The following ELMOD1 variants were observed in gnomAD, a reference collection of about 807,000 sequenced individuals.
ELMOD1 encodes ELMO domain-containing protein 1.
Under a neutral mutation model 46.7 loss-of-function variants are expected in ELMOD1, and 21 were observed. The ratio of observed to expected loss-of-function variants is 0.45; its 90% CI spans 0.32 to 0.65. ELMOD1 has a LOEUF of 0.65. Among genes scored for constraint, ELMOD1 ranks in the 30% least tolerant of loss-of-function variants. ELMOD1 has a pLI of 0.04. For synonymous variants in ELMOD1, 122 were observed against 138.2 expected, an observed-to-expected ratio of 0.88 and a Z score of 0.82; for missense variants, 348 against 407.8, an observed-to-expected ratio of 0.85 and a Z score of 1.26.
At chr11:107,654,310 C>T in intron 10 of ELMOD1, 88 bp downstream of exon 10, 2 of 1,119,824 alleles carry the variant, frequency 1.8e-6, no homozygotes, top group East Asian at 2.6e-5. Flanking sequence ...AAGGGTGAAA[C>T]TCTACTTGTC....
intron 1 of ELMOD1, among the ~76,000 whole-genome samples, chr11:107,606,047 T>G (rs1004326466): frequency 1.3e-5 from 2 of 152,244 alleles, no homozygotes; most frequent in African/African-American, 4.8e-5. Flanking sequence ...TTTTCTTTCC[T>G]TCTCTTTCTT....
chr11:107,625,330 A>G, intron 2 of ELMOD1: 8 of 904,532 alleles, frequency 8.8e-6, no homozygotes, highest in Non-Finnish European at 1.1e-5. Flanking sequence ...TGTGGTTTGA[A>G]CCAAGAACTG....
chr11:107,630,348 C>A, intron 2 of ELMOD1, 69 bp from the exon 3 acceptor site: 1 of 1,408,770 alleles, frequency 7.1e-7, no homozygotes, highest in Non-Finnish European at 9.5e-7. Context: ...TCTTTTCTTG[C>A]TGGTGGTGGC....
intron 1 of ELMOD1, among the ~76,000 whole-genome samples, chr11:107,612,004 A>C (rs535835596): frequency 6.6e-6 from 1 of 152,336 alleles, no homozygotes; most frequent in Admixed American, 6.5e-5. Flanking sequence ...TGACCCAGCA[A>C]TCCCACTGTT....
At chr11:107,638,875 A>G (rs1866274145) in intron 6 of ELMOD1, among the ~76,000 whole-genome samples, 1 of 152,216 alleles carries the variant, frequency 6.6e-6, no homozygotes, top group South Asian at 2.1e-4. Context: ...GCCCAGGCAC[A>G]GTGGCTCACA....
chr11:107,612,045 C>A (rs144093228), intron 1 of ELMOD1, among the ~76,000 whole-genome samples: 1 of 152,020 alleles, frequency 6.6e-6, no homozygotes, highest in African/African-American at 2.4e-5. Context: ...ATAAATCATT[C>A]GACAAAAAGA....
At chr11:107,661,534 C>T (rs1375946223) in intron 11 of ELMOD1, among the ~76,000 whole-genome samples, 1 of 152,084 alleles carries the variant, frequency 6.6e-6, no homozygotes, top group Non-Finnish European at 1.5e-5. Flanking sequence ...GTATTGGAAA[C>T]CTGACTCTAT....
intron 2 of ELMOD1, among the ~76,000 whole-genome samples, chr11:107,619,720 TA>T (rs952850644): frequency 1.3e-5 from 2 of 152,246 alleles, no homozygotes; most frequent in Non-Finnish European, 2.9e-5. Context: ...AGTACATTTT[TA>T]AATTAATTTG....
chr11:107,654,396 T>TGG, intron 10 of ELMOD1, among the ~76,000 whole-genome samples, 174 bp downstream of exon 10: 1 of 152,262 alleles, frequency 6.6e-6, no homozygotes, highest in Non-Finnish European at 1.5e-5. Context: ...TGTATGGTTA[T>TGG]ATGATATTAC....
intron 2 of ELMOD1, among the ~76,000 whole-genome samples, chr11:107,623,123 CGAT>C (rs1565377431): frequency 6.6e-6 from 1 of 151,972 alleles, no homozygotes; most frequent in East Asian, 1.9e-4. Context: ...TATCCCTCCC[CGAT>C]TCCCCCACCC....
intron 5 of ELMOD1, among the ~76,000 whole-genome samples, chr11:107,635,273 G>A (rs1274613363): frequency 3.9e-5 from 6 of 152,020 alleles, no homozygotes; most frequent in Non-Finnish European, 8.8e-5. Flanking sequence ...ATCCCTTGTG[G>A]GTTTTGGTTT....
intron 11 of ELMOD1, among the ~76,000 whole-genome samples, chr11:107,662,862 G>A (rs1200661468): frequency 6.6e-6 from 1 of 151,988 alleles, no homozygotes; most frequent in African/African-American, 2.4e-5. Context: ...CTGTGCTCCA[G>A]CCTGGGCAAC....
In ELMOD1 at chr11:107,631,568, C is replaced by A; in HGVS notation, c.193-12C>A. The A allele has an allele frequency of 6.6e-7, 1 of 1,524,342 alleles. No individual in the cohort carries two copies. The highest frequency in any genetic ancestry group is 1.2e-5 in the South Asian group (1 of 80,396). 94.4% of individuals were successfully genotyped at this position (1,524,342 alleles called of 1,614,324 possible). On this transcript the variant is annotated splice_polypyrimidine_tract_variant and intron_variant, in intron 4 of 11. Transcript: ENST00000265840. ...TTAATGAAAAGGAAAGTGATTAAAA[C>A]ATGTTTTCCAGCTGTTGCAGACTTC...
chr11:107,655,302 T>A (rs866249920), intron 10 of ELMOD1, among the ~76,000 whole-genome samples: 2 of 152,200 alleles, frequency 1.3e-5, no homozygotes, highest in Non-Finnish European at 2.9e-5. Flanking sequence ...CTTTAGGATA[T>A]TTGAATAGTT....
At chr11:107,641,175 C>G (rs1226097545) in intron 6 of ELMOD1, among the ~76,000 whole-genome samples, 2 of 151,984 alleles carry the variant, frequency 1.3e-5, no homozygotes, top group Non-Finnish European at 2.9e-5. Flanking sequence ...ACCTGTAGTC[C>G]CAGCTACTCA....
In ELMOD1 at chr11:107,665,060, G is replaced by A. The variant is rs754473144; in HGVS notation, c.868G>A (p.Glu290Lys). 37 of 1,613,530 alleles carry A rather than the reference G, an allele frequency of 2.3e-5. No homozygotes were observed. The highest frequency in any genetic ancestry group is 2.7e-5 in the Non-Finnish European group (32 of 1,179,806). The change falls in exon 12 of 12, where the codon GAA becomes AAA. Residue 290 changes from glutamate to lysine, a missense_variant. Coordinates refer to ENST00000265840, the MANE Select transcript of ELMOD1 (RefSeq NM_018712.4). ...LMHEFHKFWI[E>K]EDPMDIMEFN... ...GCATGAATTTCATAAGTTTTGGATC[G>A]AAGAGGACCCCATGGACATAATGGA...
intron 9 of ELMOD1, chr11:107,653,971 G>A (rs1326898274): frequency 2.8e-5 from 16 of 572,710 alleles, no homozygotes; most frequent in East Asian, 8.4e-5. Flanking sequence ...ATACTAAAGT[G>A]GATAGGAGGT....
chr11:107,645,621 G>C (rs1336256231), intron 6 of ELMOD1, among the ~76,000 whole-genome samples: 1 of 152,154 alleles, frequency 6.6e-6, no homozygotes, highest in Non-Finnish European at 1.5e-5. Flanking sequence ...CACCGCGCCC[G>C]GCCAGTTTGT....
chr11:107,603,629 G>A (rs1865640118), intron 1 of ELMOD1, among the ~76,000 whole-genome samples: 2 of 151,728 alleles, frequency 1.3e-5, no homozygotes, highest in Non-Finnish European at 2.9e-5. Flanking sequence ...GAGGAACTGG[G>A]CACCTCTAAC....
Sources: gnomAD v4.1 joint callset for allele counts (sites outside exome capture counted in the v4.1 genomes callset) on GRCh38, gnomAD v4.1.1 for gene constraint, MANE v1.5 for transcripts, NCBI Gene and HGNC (gene_info 2026-07-23, HGNC 2026-07-21) for gene names.